The following NLRP14 variants were observed in gnomAD, a reference collection of about 807,000 sequenced individuals.
The protein encoded by NLRP14 is NACHT, LRR and PYD domains-containing protein 14.
NLRP14 carries 105 observed loss-of-function variants against 94.7 expected under a neutral mutation model. That is an observed-to-expected ratio of 1.11 (90% confidence interval 0.95 to 1.30). The LOEUF is 1.30. Ranked by LOEUF, NLRP14 falls within the 50% of genes most tolerant of loss-of-function variation. NLRP14 has a pLI of 0.00. For synonymous variants in NLRP14, 508 were observed against 459.9 expected (o/e 1.10, Z -1.34); for missense variants, 1,362 against 1,254.1 (o/e 1.09, Z -1.30).
At chr11:7,058,625 T>A (rs1276081538) in intron 8 of NLRP14, among the ~76,000 whole-genome samples, 175 bp downstream of exon 8, 3 of 142,840 alleles carry the variant, frequency 2.1e-5, no homozygotes, top group Non-Finnish European at 3.2e-5. Context: ...CTACTCTGGA[T>A]CTTGTTTTAA....
At chr11:7,089,830 A>C in the NLRP14 span, 1 of 1,609,866 alleles carries the variant, frequency 6.2e-7, no homozygotes, top group Non-Finnish European at 8.5e-7. Flanking sequence ...TCGCCCGGAG[A>C]GTACACCCAC....
At chr11:7,033,911 T>C (rs1049112782) in intron 1 of NLRP14, among the ~76,000 whole-genome samples, 6 of 152,230 alleles carry the variant, frequency 3.9e-5, no homozygotes, top group African/African-American at 7.2e-5. Context: ...AATATCATGG[T>C]GGCAACATGC....
chr11:7,064,910 G>A (rs959311052), intron 10 of NLRP14, among the ~76,000 whole-genome samples: 1 of 151,696 alleles, frequency 6.6e-6, no homozygotes, highest in African/African-American at 2.4e-5. Flanking sequence ...TCATTGGTGC[G>A]TGGATCTGTT....
chr11:7,085,075 A>G, the NLRP14 span, among the ~76,000 whole-genome samples: 5 of 152,242 alleles, frequency 3.3e-5, no homozygotes, highest in African/African-American at 1.2e-4. Flanking sequence ...CCAGTTTGGT[A>G]GCATTAAGTA....
chr11:7,066,794 A>G (rs1284710936), intron 10 of NLRP14, among the ~76,000 whole-genome samples: 1 of 152,128 alleles, frequency 6.6e-6, no homozygotes, highest in East Asian at 1.9e-4. Flanking sequence ...GGTATTGCCT[A>G]GGTTTTCTTG....
the NLRP14 span, chr11:7,089,081 C>T: frequency 3.1e-6 from 5 of 1,595,838 alleles, no homozygotes; most frequent in African/African-American, 2.7e-5. Context: ...GCCGCCTCAC[C>T]GCCTCCCACC....
At chr11:7,063,093 T>C (rs1337434865) in intron 10 of NLRP14, among the ~76,000 whole-genome samples, 1 of 152,060 alleles carries the variant, frequency 6.6e-6, no homozygotes, top group Non-Finnish European at 1.5e-5. Context: ...TCCAGAGAAA[T>C]CTCCCCTGAC....
Position 7,043,186 on chromosome 11 carries a change from G to T in NLRP14, c.1160G>T (p.Gly387Val), listed in dbSNP as rs746558886. Residue 387 changes from glycine to valine, a missense_variant, in exon 4 of 12, where the codon GGT (glycine) becomes GTT (valine). By Grantham distance (109) the Gly-to-Val change is moderately radical (BLOSUM62 -3). Transcript: ENST00000299481. Reference protein sequence around the residue: ...TCLKQQMEKGGDVTLTCQTTT... With the variant: ...TCLKQQMEKGVDVTLTCQTTT... ...CTGAAGCAGCAAATGGAGAAGGGTG[G>T]TGATGTCACATTGACCTGCCAAACA... 1 of 1,614,156 alleles carries T rather than the reference G, an allele frequency of 6.2e-7. No individual in the cohort carries two copies. The highest frequency in any genetic ancestry group is 8.5e-7 in the Non-Finnish European group (1 of 1,180,042).
rs115119291 is a variant in NLRP14, at chr11:7,054,398, T to C, written c.2292-3279T>C. 2.2e-3 allele frequency among the ~76,000 whole-genome samples: 336 copies of C among 152,282 alleles called. 2 individuals are homozygous for C. Among genetic ancestry groups the C allele is most frequent in the African/African-American group, 7.9e-3 (330 of 41,582 alleles). ...GGAACCTCCAAACTGTTCTCCATAA[T>C]AGTTGTGTTAATTTACACTGCTACT... is the stretch of plus-strand genomic sequence containing the variant. On this transcript the variant is annotated intron_variant, in intron 6 of 11. Coordinates refer to ENST00000299481, the MANE Select transcript of NLRP14 (RefSeq NM_176822.4).
At chr11:7,083,026 T>C in the NLRP14 span, among the ~76,000 whole-genome samples, 6,551 of 152,238 alleles carry the variant, frequency 0.043, 369 homozygotes, top group African/African-American at 0.13. Context: ...CCTGTGACCA[T>C]GAAGTAGGAA....
At position 7,038,602 on chromosome 11, in the gene NLRP14, T is replaced by A; in HGVS notation, c.16T>A (p.Ser6Thr). 6.2e-7 allele frequency: 1 copy of A among 1,613,970 alleles called. No homozygotes were observed. The highest frequency in any genetic ancestry group is 8.5e-7 in the Non-Finnish European group (1 of 1,179,994). ...TTTGGACAAGATGGCAGATTCATCA[T>A]CATCTTCTTTCTTTCCTGATTTTGG... MADSS[S>T]SSFFPDFGLL... Residue 6 changes from serine to threonine, a missense_variant, in exon 2 of 12, where the codon TCA (serine) becomes ACA (threonine). Coordinates refer to ENST00000299481, the MANE Select transcript of NLRP14 (RefSeq NM_176822.4).
intron 1 of NLRP14, among the ~76,000 whole-genome samples, chr11:7,033,772 A>G (rs1374513990): frequency 1.3e-5 from 2 of 152,178 alleles, no homozygotes; most frequent in Non-Finnish European, 2.9e-5. Context: ...GGTCTGTGAA[A>G]GTTTCTCAGT....
rs2119635492 is a variant in NLRP14 at position 7,046,785 on chromosome 11, C to T, written c.2076C>T (p.Ile692=). The change falls in exon 5 of 12, where the codon ATC becomes ATT. Residue 692 remains isoleucine (I), a synonymous_variant. Transcript: ENST00000299481. ...HSNLDKSAMN[I]LHHELRHPNC... ...ACCTTGATAAATCAGCAATGAATATCCTGCATCATGAACTAAGGCACCCAA... is the reference window on the plus strand; with the variant it reads ...ACCTTGATAAATCAGCAATGAATATTCTGCATCATGAACTAAGGCACCCAA... 1 of 1,613,646 alleles carries T rather than the reference C, an allele frequency of 6.2e-7. No homozygotes were observed. The highest frequency in any genetic ancestry group is 8.5e-7 in the Non-Finnish European group (1 of 1,179,582).
the NLRP14 span, chr11:7,089,673 C>G: frequency 9.8e-6 from 14 of 1,433,526 alleles, no homozygotes; most frequent in Middle Eastern, 2.1e-4. Context: ...CCTGGCCGTG[C>G]GGGGGCGAGA....
chr11:7,055,869 A>T (rs1852508665), intron 6 of NLRP14, among the ~76,000 whole-genome samples: 1 of 152,058 alleles, frequency 6.6e-6, no homozygotes, highest in Non-Finnish European at 1.5e-5. Flanking sequence ...GGGCTTTGGA[A>T]ATTTTTGCCA....
At chr11:7,070,539 T>A in intron 11 of NLRP14, 83 bp downstream of exon 11, 1 of 925,488 alleles carries the variant, frequency 1.1e-6, no homozygotes, top group Non-Finnish European at 1.7e-6. Context: ...GGCCTCAGAA[T>A]CCACCTAATT....
chr11:7,042,490 C>G lies in NLRP14; in HGVS notation c.464C>G (p.Ala155Gly), dbSNP rs368232706. Residue 155 changes from alanine (A) to glycine (G), a missense_variant, in exon 4 of 12, where the codon GCA (alanine) becomes GGA (glycine). Physicochemically the swap from Ala to Gly is moderately conservative, Grantham distance 60. Transcript: ENST00000299481. Reference sequence around the variant, plus strand: ...CCTGAAGATTTCCATCATGGAATTGCAGAGAAAGATAGAAAACTGTTGGAA... The same window carrying G: ...CCTGAAGATTTCCATCATGGAATTGGAGAGAAAGATAGAAAACTGTTGGAA... ...GKPEDFHHGI[A>G]EKDRKLLEHL... is the part of the protein sequence containing the mutation. 2.7e-5 allele frequency: 43 copies of G among 1,613,824 alleles called. No individual in the cohort carries two copies. The highest frequency in any genetic ancestry group is 1.8e-4 in the South Asian group (16 of 91,084).
chr11:7,082,661 T>C, the NLRP14 span, among the ~76,000 whole-genome samples: 1 of 152,334 alleles, frequency 6.6e-6, no homozygotes, highest in African/African-American at 2.4e-5. Flanking sequence ...TGCATTATCC[T>C]CATCTACTAT....
At position 7,070,318 on chromosome 11, in the gene NLRP14, G is replaced by A. The variant is rs1466267000; in HGVS notation, c.3008G>A (p.Cys1003Tyr). Residue 1003 changes from cysteine to tyrosine, a missense_variant, in exon 11 of 12, where the codon TGT (cysteine) becomes TAT (tyrosine). Cys to Tyr is a radical substitution (Grantham distance 194, BLOSUM62 -2). Transcript: ENST00000299481. ...LEYCGLTSLC[C>Y]QDLSSALICN... is the part of the protein sequence containing the mutation. ...TACTGTGGTTTGACATCTCTCTGCTGTCAAGATCTCTCCTCTGCTCTTATC... is the reference window on the plus strand; with the variant it reads ...TACTGTGGTTTGACATCTCTCTGCTATCAAGATCTCTCCTCTGCTCTTATC... 9.3e-6 allele frequency: 15 copies of A among 1,612,172 alleles called. No homozygotes were observed. The highest frequency in any genetic ancestry group is 1.0e-5 in the Non-Finnish European group (12 of 1,178,560).
Sources: gnomAD v4.1 joint callset for allele counts (sites outside exome capture counted in the v4.1 genomes callset) on GRCh38, gnomAD v4.1.1 for gene constraint, MANE v1.5 for transcripts, NCBI Gene and HGNC (gene_info 2026-07-23, HGNC 2026-07-21) for gene names.